Variants in PCBP4 observed in about 807,000 individuals in gnomAD.
PCBP4 encodes the protein poly(rC)-binding protein 4.
In PCBP4, 24 loss-of-function variants were observed where a neutral mutation model predicts 46.2. That is an observed-to-expected ratio of 0.52 (90% CI 0.38 to 0.73). PCBP4 has a LOEUF of 0.73. Ranked by LOEUF, PCBP4 falls within the 30% of genes least tolerant of loss-of-function variation. The probability of loss-of-function intolerance (pLI) is 0.00; values close to 1 mark genes in which losing one functional copy is unlikely to be tolerated. For synonymous variants in PCBP4, 203 were observed against 224.4 expected (o/e 0.90, Z 0.85); for missense variants, 407 against 537.0 (o/e 0.76, Z 2.39).
chr3:51,960,479 C>T lies in PCBP4; in HGVS notation c.255+47G>A. 1 of 1,570,988 alleles carries T rather than the reference C, an allele frequency of 6.4e-7. No individual in the cohort carries two copies. Among genetic ancestry groups the T allele is most frequent in the Non-Finnish European group, 8.8e-7 (1 of 1,141,124 alleles). On this transcript the variant is annotated intron_variant, in intron 6 of 13. Coordinates refer to ENST00000461554, the MANE Select transcript of PCBP4 (RefSeq NM_001174100.2). This position sits in a 1 kb window ranked among gnomAD's most constrained non-coding sequence, Gnocchi z 5.0. ...CACTATCTGGAGTCAGAGTTGGGTT[C>T]CTCCTGGGGAACCACTCTTGGCGTC...
intron 1 of PCBP4, among the ~76,000 whole-genome samples, chr3:51,964,513 C>A (rs910410781): frequency 6.6e-6 from 1 of 152,150 alleles, no homozygotes; most frequent in Admixed American, 6.5e-5. Flanking sequence ...CATCTCACAT[C>A]CCCCCACATC....
Position 51,958,228 on chromosome 3 carries a change from G to C in PCBP4, c.1045C>G (p.Pro349Ala). Reference protein sequence around the residue: ...PTAPPGLLGTPYAISLSNFIG... With the variant: ...PTAPPGLLGTAYAISLSNFIG... ...AAGTTGGAGAGGGAGATGGCATAGGGTGTGCCCAGCAGGCCAGGGGGAGCT... is the reference window on the plus strand; with the variant it reads ...AAGTTGGAGAGGGAGATGGCATAGGCTGTGCCCAGCAGGCCAGGGGGAGCT... The change falls in exon 14 of 14, where the codon CCC becomes GCC. Residue 349 changes from proline (P) to alanine (A), a missense_variant. Pro to Ala is a conservative substitution (Grantham distance 27). Transcript: ENST00000461554. This position sits in a 1 kb window ranked among gnomAD's most constrained non-coding sequence, Gnocchi z 5.4. 3 of 1,611,260 alleles carry C rather than the reference G, an allele frequency of 1.9e-6. No homozygotes were observed. The highest frequency in any genetic ancestry group is 2.5e-6 in the Non-Finnish European group (3 of 1,178,654).
At position 51,957,681 on chromosome 3, in the gene PCBP4, C is replaced by G. The variant is rs974059568; in HGVS notation, c.*380G>C. 3.1e-5 allele frequency: 5 copies of G among 163,556 alleles called. No individual in the cohort carries two copies. The East Asian group carries it at 5.2e-4, about 17-fold the overall frequency. The allele number at this position is 163,556 out of a possible 1,614,324, so 10.1% of individuals were successfully genotyped here. On this transcript the variant is annotated 3_prime_UTR_variant, in exon 14 of 14. Coordinates refer to ENST00000461554, the MANE Select transcript of PCBP4 (RefSeq NM_001174100.2). ...GGTGGGGAGAGAAGCCTGGCCCCAG[C>G]TACCCAACGGGCCCTCCTCCCTGAC...
chr3:51,960,222 C>A lies in PCBP4; in HGVS notation c.354G>T (p.Gly118=). The A allele has an allele frequency of 6.2e-7, 1 of 1,614,138 alleles. No individual in the cohort carries two copies. The highest frequency in any genetic ancestry group is 2.2e-5 in the East Asian group (1 of 44,880). Residue 118 remains glycine (G), a synonymous_variant, in exon 7 of 14, where the codon GGG becomes GGT. Coordinates refer to ENST00000461554, the MANE Select transcript of PCBP4 (RefSeq NM_001174100.2). The surrounding 1 kb of genome is among the most constrained non-coding windows in gnomAD (Gnocchi z 5.0). ...IPASQCGSLI[G]KAGTKIKEIR... is the part of the protein sequence containing the mutation. ...TCTCCTTGATCTTGGTGCCAGCCTT[C>A]CCAATCAGTGAGCCACACTGACTGG...
At chr3:51,964,442 C>T (rs1700320820) in intron 1 of PCBP4, among the ~76,000 whole-genome samples, 1 of 152,236 alleles carries the variant, frequency 6.6e-6, no homozygotes, top group Non-Finnish European at 1.5e-5. Context: ...ATTCCCTCCG[C>T]TCTGCTGGCC....
intron 1 of PCBP4, among the ~76,000 whole-genome samples, chr3:51,964,624 G>C (rs894613620): frequency 2.0e-5 from 3 of 152,206 alleles, no homozygotes; most frequent in Non-Finnish European, 2.9e-5. Flanking sequence ...GGAATGGCTC[G>C]GAGCATCCAG....
At chr3:51,963,870 G>A (rs763421879) in intron 1 of PCBP4, among the ~76,000 whole-genome samples, 1 of 152,202 alleles carries the variant, frequency 6.6e-6, no homozygotes, top group Non-Finnish European at 1.5e-5. Flanking sequence ...TATTCTCCTA[G>A]GGCCCAAGGA....
rs1202861680 is a variant in PCBP4, at chr3:51,960,980, G to T, written c.105+30C>A. The T allele has an allele frequency of 6.2e-7, 1 of 1,614,190 alleles. No individual in the cohort carries two copies. On this transcript the variant is annotated intron_variant, in intron 4 of 13. Transcript: ENST00000461554. The surrounding 1 kb of genome is among the most constrained non-coding windows in gnomAD (Gnocchi z 5.0). ...CCTGGGCTGAAGCCTCAGCTGGAGG[G>T]GGATGTACAGAGCAGAGCTAGGCAC...
chr3:51,961,850 G>T, intron 2 of PCBP4, 91 bp downstream of exon 2: 1 of 664,338 alleles, frequency 1.5e-6, no homozygotes, highest in Non-Finnish European at 1.9e-6. Flanking sequence ...CTTGAAGGCA[G>T]GGAGGCCTCG....
chr3:51,959,717 G>A lies in PCBP4; in HGVS notation c.517-66C>T. 6.7e-7 allele frequency: 1 copy of A among 1,484,998 alleles called. No homozygotes were observed. The highest frequency in any genetic ancestry group is 2.0e-5 in the Admixed American group (1 of 49,960). 92.0% of individuals were successfully genotyped at this position (1,484,998 alleles called of 1,614,324 possible). On this transcript the variant is annotated intron_variant, in intron 8 of 13. Coordinates refer to ENST00000461554, the MANE Select transcript of PCBP4 (RefSeq NM_001174100.2). The surrounding 1 kb of genome is among the most constrained non-coding windows in gnomAD (Gnocchi z 5.6). ...CTCCGATAACCTCCCCAGCTGCCCA[G>A]TGGCCTCAGGCCCCCACCATGACCC... is the stretch of plus-strand genomic sequence containing the variant.
chr3:51,961,155 C>T lies in PCBP4; in HGVS notation c.81+5G>A, dbSNP rs1231237609. 1.2e-6 allele frequency: 2 copies of T among 1,613,810 alleles called. No homozygotes were observed. Among genetic ancestry groups the T allele is most frequent in the East Asian group, 2.2e-5 (1 of 44,878 alleles). On this transcript the variant is annotated splice_donor_5th_base_variant and intron_variant, in intron 3 of 13. Coordinates refer to ENST00000461554, the MANE Select transcript of PCBP4 (RefSeq NM_001174100.2). ...GCCTCGCCTGGCCCTCCACCTCCCG[C>T]TCACCTTCCCGTGCATCAGCATCCG...
rs138965626 is a variant in PCBP4, at chr3:51,960,298, T to C, written c.278A>G (p.Asn93Ser). The C allele has an allele frequency of 3.7e-6, 6 of 1,613,816 alleles. No individual in the cohort carries two copies. The African/African-American group carries it at 8.0e-5, about 22-fold the overall frequency. ...TGGAGGCCTGGAGACATTTCCACCATTTGCAGGAGCAGCACAAAGGTCCTG... is the reference window on the plus strand; with the variant it reads ...TGGAGGCCTGGAGACATTTCCACCACTTGCAGGAGCAGCACAAAGGTCCTG... ...LDEDLCAAPA[N>S]GGNVSRPPVT... Residue 93 changes from asparagine (N) to serine (S), a missense_variant, in exon 7 of 14, where the codon AAT becomes AGT. Coordinates refer to ENST00000461554, the MANE Select transcript of PCBP4 (RefSeq NM_001174100.2). The surrounding 1 kb of genome is among the most constrained non-coding windows in gnomAD (Gnocchi z 5.0).
chr3:51,960,786 G>GT lies in PCBP4; in HGVS notation c.138+79dup. On this transcript the variant is annotated intron_variant, in intron 5 of 13. Transcript: ENST00000461554. The surrounding 1 kb of genome is among the most constrained non-coding windows in gnomAD (Gnocchi z 5.0). ...GGACTCACTGGTCAGCCCAGAAGGA[G>GT]TGGTTCAGAGAGAAAGTGGGGCAGG... 1.3e-6 allele frequency: 2 copies of GT among 1,542,858 alleles called. No homozygotes were observed. Among genetic ancestry groups the GT allele is most frequent in the Non-Finnish European group, 1.8e-6 (2 of 1,115,410 alleles).
rs78982507 is a variant in PCBP4, at chr3:51,966,951, C to T, written c.-213+375G>A. Among the ~76,000 whole-genome samples, 7 of 152,210 alleles carry T rather than the reference C, an allele frequency of 4.6e-5. No individual in the cohort carries two copies. In the East Asian group the frequency reaches 1.2e-3, roughly 25 times the overall value. On this transcript the variant is annotated intron_variant, in intron 1 of 13. Transcript: ENST00000461554. Reference sequence around the variant, plus strand: ...CTGTATCTGGCTCCCCCAACGACTGCGGAGGATGGGAAGGAGTGTGTGCCC... The same window carrying T: ...CTGTATCTGGCTCCCCCAACGACTGTGGAGGATGGGAAGGAGTGTGTGCCC...
intron 1 of PCBP4, among the ~76,000 whole-genome samples, chr3:51,966,631 G>A (rs2106780295): frequency 6.6e-6 from 1 of 152,182 alleles, no homozygotes; most frequent in African/African-American, 2.4e-5. Context: ...CTGGCCCTGG[G>A]TGCATCATCA....
Position 51,959,396 on chromosome 3 carries a change from C to T in PCBP4, c.607G>A (p.Gly203Ser). 6 of 1,610,072 alleles carry T rather than the reference C, an allele frequency of 3.7e-6. No homozygotes were observed. Among genetic ancestry groups the T allele is most frequent in the Non-Finnish European group, 5.1e-6 (6 of 1,177,528 alleles). The change falls in exon 10 of 14, where the codon GGT becomes AGT. Residue 203 changes from glycine (G) to serine (S), a missense_variant. Coordinates refer to ENST00000461554, the MANE Select transcript of PCBP4 (RefSeq NM_001174100.2). The surrounding 1 kb of genome is among the most constrained non-coding windows in gnomAD (Gnocchi z 5.6). ...LSANQGFSVQ[G>S]QYGAVTPAEV... ...GCTGGGGTCACAGCCCCATACTGACCCTGGACAGAGAAGCCCTGTGGGGAC... is the reference window on the plus strand; with the variant it reads ...GCTGGGGTCACAGCCCCATACTGACTCTGGACAGAGAAGCCCTGTGGGGAC...
intron 1 of PCBP4, among the ~76,000 whole-genome samples, chr3:51,965,324 G>A (rs1042208789): frequency 2.2e-4 from 33 of 152,310 alleles, no homozygotes; most frequent in Non-Finnish European, 1.5e-4. Flanking sequence ...CCAGGCTGCA[G>A]AACACACTTA....
Position 51,960,709 on chromosome 3 carries a change from C to G in PCBP4, c.139-67G>C, listed in dbSNP as rs2106743052. On this transcript the variant is annotated intron_variant, in intron 5 of 13. Coordinates refer to ENST00000461554, the MANE Select transcript of PCBP4 (RefSeq NM_001174100.2). This position sits in a 1 kb window ranked among gnomAD's most constrained non-coding sequence, Gnocchi z 5.0. ...CTGCTCCCTTGCCGGAACTTGTCTG[C>G]CTGCCCCACTCACCAGGCCTGAGGC... 6.7e-7 allele frequency: 1 copy of G among 1,483,392 alleles called. No homozygotes were observed. The highest frequency in any genetic ancestry group is 9.4e-7 in the Non-Finnish European group (1 of 1,060,882). The allele number at this position is 1,483,392 out of a possible 1,614,324, so 91.9% of individuals were successfully genotyped here. A position where few individuals can be genotyped will look rare whatever the true frequency, so the allele number is the denominator to read the frequency against.
In PCBP4 at chr3:51,959,219, G is replaced by A. The variant is rs573151387; in HGVS notation, c.700+10C>T. The A allele has an allele frequency of 1.9e-6, 3 of 1,613,922 alleles. No homozygotes were observed. Among genetic ancestry groups the A allele is most frequent in the Admixed American group, 1.7e-5 (1 of 60,014 alleles). Reference sequence around the variant, plus strand: ...CCCTCCCCCTGCCTCCTTGTGCAGGGGTGGCTTACCTGGCACCACGCTGGG... The same window carrying A: ...CCCTCCCCCTGCCTCCTTGTGCAGGAGTGGCTTACCTGGCACCACGCTGGG... On this transcript the variant is annotated intron_variant, in intron 11 of 13. Transcript: ENST00000461554. The surrounding 1 kb of genome is among the most constrained non-coding windows in gnomAD (Gnocchi z 5.6).
Sources: gnomAD v4.1 joint callset for allele counts (sites outside exome capture counted in the v4.1 genomes callset) on GRCh38, gnomAD v4.1.1 for gene constraint, Gnocchi (gnomAD v3.1) non-coding constraint, MANE v1.5 for transcripts, NCBI Gene and HGNC (gene_info 2026-07-23, HGNC 2026-07-21) for gene names.